The following CLEC20A variants were observed in gnomAD, a reference collection of about 807,000 sequenced individuals.
The protein encoded by CLEC20A is C-type lectin domain containing 20A.
chr1:178,490,733 A>G (rs908485093), intron 3 of CLEC20A, among the ~76,000 whole-genome samples: 3 of 152,228 alleles, frequency 2.0e-5, no homozygotes, highest in African/African-American at 7.2e-5. Context: ...CATCTATACA[A>G]TGGGAAAATA....
chr1:178,481,055 A>G (rs550252562), intron 7 of CLEC20A: 5 of 152,322 alleles, frequency 3.3e-5, no homozygotes, highest in Non-Finnish European at 5.9e-5. Context: ...TGTTCTTTCA[A>G]TAGCAAAATG....
chr1:178,492,540 T>C (rs1179377161), exon 3 of CLEC20A: 1 of 398,242 alleles, frequency 2.5e-6, no homozygotes, highest in Admixed American at 4.4e-5. Flanking sequence ...GAGGGCTTCG[T>C]GGAGATGAGG....
chr1:178,496,501 C>T (rs756974305), intron 1 of CLEC20A: 3 of 185,820 alleles, frequency 1.6e-5, no homozygotes, highest in East Asian at 1.3e-4. Context: ...TCCCTTTCTC[C>T]GAGAACCCTT....
At position 178,482,090 on chromosome 1, in the gene CLEC20A, CAACAAA is replaced by C. The variant is rs796286227; in HGVS notation, c.1122+216_1122+221del. The C allele has an allele frequency of 2.8e-3, 1,028 of 366,372 alleles. 15 individuals are homozygous for C. The highest frequency in any genetic ancestry group is 0.022 in the African/African-American group (935 of 43,438). 22.7% of individuals were successfully genotyped at this position (366,372 alleles called of 1,614,324 possible). A position where few individuals can be genotyped will look rare whatever the true frequency, so the allele number is the denominator to read the frequency against. ...AAAAAAAAACAAAAAAACAAAAAAA[CAACAAA>C]AAAAAAAACTTAGGAAAGACATTGG... On this transcript the variant is annotated intron_variant, in intron 7 of 7. Transcript: ENST00000623247.
intron 2 of CLEC20A, among the ~76,000 whole-genome samples, chr1:178,492,861 G>A (rs368821569): frequency 2.6e-5 from 4 of 152,318 alleles, no homozygotes; most frequent in East Asian, 3.9e-4. Flanking sequence ...GCACAGCCAC[G>A]ACAAAGGTTC....
upstream of CLEC20A, among the ~76,000 whole-genome samples, chr1:178,498,646 G>A (rs1369227835): frequency 6.6e-6 from 1 of 152,112 alleles, no homozygotes; most frequent in African/African-American, 2.4e-5. Context: ...GGAGGCCAAG[G>A]CACTTTCTCT....
At chr1:178,484,922 C>A (rs1375089662) in intron 5 of CLEC20A, among the ~76,000 whole-genome samples, 3 of 151,768 alleles carry the variant, frequency 2.0e-5, no homozygotes, top group African/African-American at 7.3e-5. Flanking sequence ...CCCACACACA[C>A]GTTTCCTGTC....
upstream of CLEC20A, chr1:178,499,514 C>T (rs1558031250): frequency 6.6e-6 from 1 of 151,976 alleles, no homozygotes; most frequent in South Asian, 2.1e-4. Flanking sequence ...AAAAACTAGA[C>T]TGGCTTGGCC....
At chr1:178,493,192 C>T (rs1289593334) in intron 2 of CLEC20A, among the ~76,000 whole-genome samples, 2 of 152,036 alleles carry the variant, frequency 1.3e-5, no homozygotes, top group Admixed American at 1.3e-4. Context: ...GTGTGGGGAG[C>T]GGGAGACAAC....
Position 178,490,197 on chromosome 1 carries a change from G to A in CLEC20A, c.704C>T (p.Pro235Leu), listed in dbSNP as rs116672861. 3.2e-3 allele frequency: 1,283 copies of A among 398,838 alleles called. 23 individuals are homozygous for A. Among genetic ancestry groups the A allele is most frequent in the African/African-American group, 0.024 (1,186 of 48,750 alleles). The allele number at this position is 398,838 out of a possible 1,614,324, so 24.7% of individuals were successfully genotyped here. ...CATCATCGGCACCTGCAGCCAGGAG[G>A]GGATGCTGGCCCCCAGGTCACTGGA... The change falls in exon 4 of 8, where the codon CCC becomes CTC. Residue 235 changes from proline to leucine, a missense_variant. Coordinates refer to ENST00000623247, the Ensembl canonical transcript of CLEC20A.
chr1:178,493,210 G>C (rs905277569), intron 2 of CLEC20A, among the ~76,000 whole-genome samples: 1 of 152,084 alleles, frequency 6.6e-6, no homozygotes, highest in Non-Finnish European at 1.5e-5. Flanking sequence ...AACGCCATAC[G>C]CACACCCCTC....
rs192829110 is a variant in CLEC20A at position 178,485,468 on chromosome 1, T to C, written c.929-2186A>G. Among the ~76,000 whole-genome samples the C allele has an allele frequency of 6.6e-5, 10 of 152,376 alleles. No individual in the cohort carries two copies. In the East Asian group the frequency reaches 1.9e-3, roughly 29 times the overall value. ...CTGTCTTTACCCATGCTATTCCTTC[T>C]GCCAGGAAGAACTTTCTGTACTTTT... On this transcript the variant is annotated intron_variant, in intron 5 of 7. Transcript: ENST00000623247.
intron 2 of CLEC20A, chr1:178,493,833 G>A (rs1310105116): frequency 6.6e-6 from 1 of 152,164 alleles, no homozygotes; most frequent in Non-Finnish European, 1.5e-5. Flanking sequence ...CCCAACCCCA[G>A]CCTGTCTTTC....
chr1:178,479,399 G>A, exon 8 of CLEC20A: 1 of 390,998 alleles, frequency 2.6e-6, no homozygotes, highest in Non-Finnish European at 4.5e-6. Context: ...CTTGTTTTGT[G>A]TTAGTTGTAG....
chr1:178,483,020 T>C, intron 6 of CLEC20A, 155 bp downstream of exon 6: 1 of 394,190 alleles, frequency 2.5e-6, no homozygotes. Flanking sequence ...TCATGGAGCA[T>C]AAACTAGAAT....
At chr1:178,494,025 G>A (rs2101877252) in intron 2 of CLEC20A, among the ~76,000 whole-genome samples, 1 of 152,326 alleles carries the variant, frequency 6.6e-6, no homozygotes, top group South Asian at 2.1e-4. Context: ...GGCAAAAAGA[G>A]TAAAGTCATG....
intron 4 of CLEC20A, among the ~76,000 whole-genome samples, chr1:178,489,862 A>G (rs547995130): frequency 6.6e-6 from 1 of 152,232 alleles, no homozygotes; most frequent in Non-Finnish European, 1.5e-5. Flanking sequence ...TCCATTATTT[A>G]AAGATTCCCA....
At chr1:178,497,522 G>A (rs930798796), upstream of CLEC20A, among the ~76,000 whole-genome samples, 5 of 152,174 alleles carry the variant, frequency 3.3e-5, no homozygotes, top group Admixed American at 2.0e-4. Context: ...CAGACCCACA[G>A]GCCTGGCTGG....
In CLEC20A at chr1:178,482,329, CT is replaced by C; in HGVS notation, c.1104del (p.Asp369ThrfsTer4). ...AGTCTCACCTGTCTCAGAAATTGGT[CT>C]TTCATCTCTTCTGGGTCCATCAGAG... On this transcript the variant is annotated frameshift_variant, in exon 7 of 8. Coordinates refer to ENST00000623247, the Ensembl canonical transcript of CLEC20A. LOFTEE classifies it high-confidence loss of function. 2 of 398,604 alleles carry C rather than the reference CT, an allele frequency of 5.0e-6. No individual in the cohort carries two copies. Among genetic ancestry groups the C allele is most frequent in the Non-Finnish European group, 4.4e-6 (1 of 226,060 alleles). 24.7% of individuals were successfully genotyped at this position (398,604 alleles called of 1,614,324 possible).
Sources: gnomAD v4.1 joint callset for allele counts (sites outside exome capture counted in the v4.1 genomes callset) on GRCh38, gnomAD v4.1.1 for gene constraint, MANE v1.5 for transcripts, NCBI Gene and HGNC (gene_info 2026-07-23, HGNC 2026-07-21) for gene names.